Variants in BIRC6 observed in about 807,000 individuals in gnomAD.
BIRC6 encodes dual E2 ubiquitin-conjugating enzyme/E3 ubiquitin-protein ligase BIRC6.
BIRC6 carries 98 observed loss-of-function variants against 503.3 expected under a neutral mutation model. The ratio of observed to expected loss-of-function variants is 0.19; its 90% CI spans 0.17 to 0.23. BIRC6 has a LOEUF of 0.23. Ranked by LOEUF, BIRC6 falls within the 10% of genes least tolerant of loss-of-function variation. BIRC6 has a pLI of 1.00. For synonymous variants in BIRC6, 2,240 were observed against 2,078.7 expected, an observed-to-expected ratio of 1.08 and a Z score of -2.11; for missense variants, 5,360 against 5,806.0, an observed-to-expected ratio of 0.92 and a Z score of 2.50.
chr2:32,614,901 A>T (rs1043166179), intron 73 of BIRC6, among the ~76,000 whole-genome samples: 3 of 152,206 alleles, frequency 2.0e-5, no homozygotes, highest in Admixed American at 6.5e-5. Context: ...TCCCTGTATT[A>T]GGCTGTTCTT....
At chr2:32,403,326 T>C (rs1228084601) in intron 8 of BIRC6, among the ~76,000 whole-genome samples, 1 of 152,196 alleles carries the variant, frequency 6.6e-6, no homozygotes, top group Non-Finnish European at 1.5e-5. Context: ...AATAATACAT[T>C]AATTGGAAAA....
chr2:32,489,348 C>T (rs1290544743), intron 42 of BIRC6, among the ~76,000 whole-genome samples: 8 of 152,008 alleles, frequency 5.3e-5, no homozygotes, highest in Non-Finnish European at 8.8e-5. Flanking sequence ...CACTGAGTCA[C>T]GCACAGATTC....
intron 10 of BIRC6, among the ~76,000 whole-genome samples, chr2:32,426,926 C>A (rs777611389): frequency 1.3e-5 from 2 of 152,136 alleles, no homozygotes; most frequent in African/African-American, 2.4e-5. Flanking sequence ...TTGACAGTTT[C>A]TTTCTGTACT....
chr2:32,531,161 A>G (rs774422524), intron 60 of BIRC6, among the ~76,000 whole-genome samples, 194 bp from the exon 61 acceptor site: 3 of 152,206 alleles, frequency 2.0e-5, no homozygotes, highest in Non-Finnish European at 2.9e-5. Context: ...TAACAAGACT[A>G]AAGAAGGCAG....
intron 10 of BIRC6, among the ~76,000 whole-genome samples, chr2:32,427,200 T>G (rs2043603072): frequency 6.6e-6 from 1 of 152,180 alleles, no homozygotes; most frequent in Non-Finnish European, 1.5e-5. Flanking sequence ...TGGAATTCTC[T>G]TCTTCATGGA....
At chr2:32,391,183 T>G (rs898653222) in intron 4 of BIRC6, among the ~76,000 whole-genome samples, 3 of 152,200 alleles carry the variant, frequency 2.0e-5, no homozygotes, top group Admixed American at 6.5e-5. Flanking sequence ...AAATGTTATA[T>G]TTTAGGAAAT....
In BIRC6 at chr2:32,464,575, G is replaced by C. The variant is rs2048326338; in HGVS notation, c.5008G>C (p.Gly1670Arg). Residue 1670 changes from glycine (G) to arginine (R), a missense_variant, in exon 25 of 74, where the codon GGT (glycine) becomes CGT (arginine). Physicochemically the swap from Gly to Arg is moderately radical, Grantham distance 125. Transcript: ENST00000421745. ...AAAAAAASAV[G>R]PVHNSVPSNP... ...AGCAGCTGCAGCAGCATCAGCAGTA[G>C]GTCCTGTTCACAACTCTGTGCCTTC... 6.2e-7 allele frequency: 1 copy of C among 1,610,842 alleles called. No homozygotes were observed. Among genetic ancestry groups the C allele is most frequent in the Non-Finnish European group, 8.5e-7 (1 of 1,178,162 alleles).
At chr2:32,566,105 A>T (rs1343476196) in intron 65 of BIRC6, 1 of 152,152 alleles carries the variant, frequency 6.6e-6, no homozygotes, top group Non-Finnish European at 1.5e-5. Context: ...GGTTATGTTT[A>T]CCATATAACC....
At chr2:32,497,780 A>G (rs960483375) in intron 45 of BIRC6, among the ~76,000 whole-genome samples, 4 of 151,940 alleles carry the variant, frequency 2.6e-5, no homozygotes, top group Admixed American at 2.6e-4. Flanking sequence ...CTTCTTTTCT[A>G]CTTTCTTTGA....
At chr2:32,400,053 C>A (rs976764704) in intron 6 of BIRC6, among the ~76,000 whole-genome samples, 1 of 152,050 alleles carries the variant, frequency 6.6e-6, no homozygotes, top group South Asian at 2.1e-4. Context: ...CTTGGCCCCC[C>A]GAAGTGCTGG....
intron 71 of BIRC6, among the ~76,000 whole-genome samples, chr2:32,605,543 G>A (rs1223086727): frequency 6.6e-6 from 1 of 152,124 alleles, no homozygotes. Context: ...CTATGCCTTT[G>A]AAACTTACCT....
rs576947279 is a variant in BIRC6, at chr2:32,359,216, A to G, written c.325+1730A>G. Among the ~76,000 whole-genome samples the G allele has an allele frequency of 2.0e-5, 3 of 152,194 alleles. No homozygotes were observed. The South Asian group carries it at 6.2e-4, about 32-fold the overall frequency. ...ATCTTGAGGATGTAGTATTTTTGTG[A>G]TTTTTAACTTGGAATAAGTGGTATA... On this transcript the variant is annotated intron_variant, in intron 1 of 73. Coordinates refer to ENST00000421745, the MANE Select transcript of BIRC6 (RefSeq NM_016252.4).
chr2:32,507,676 G>A (rs1420157546), intron 50 of BIRC6, among the ~76,000 whole-genome samples: 2 of 152,126 alleles, frequency 1.3e-5, no homozygotes, highest in Non-Finnish European at 2.9e-5. Flanking sequence ...TATTTGGCTG[G>A]TTTTATTCAT....
intron 4 of BIRC6, among the ~76,000 whole-genome samples, chr2:32,391,260 A>G (rs2039193395): frequency 6.6e-6 from 1 of 152,232 alleles, no homozygotes; most frequent in African/African-American, 2.4e-5. Context: ...ATTAATTTTG[A>G]TACAGACTGT....
In BIRC6 at chr2:32,410,678, T is replaced by C. The variant is rs559802878; in HGVS notation, c.1478-4091T>C. Among the ~76,000 whole-genome samples the C allele has an allele frequency of 3.9e-5, 6 of 152,172 alleles. No individual in the cohort carries two copies. The East Asian group carries it at 1.2e-3, about 29-fold the overall frequency. Reference sequence around the variant, plus strand: ...TAAGTGGTTCTTCATGAATCTCAGTTGCTTATTGCTCTACTTGGGCAACTT... The same window carrying C: ...TAAGTGGTTCTTCATGAATCTCAGTCGCTTATTGCTCTACTTGGGCAACTT... On this transcript the variant is annotated intron_variant, in intron 9 of 73. Coordinates refer to ENST00000421745, the MANE Select transcript of BIRC6 (RefSeq NM_016252.4).
intron 62 of BIRC6, among the ~76,000 whole-genome samples, chr2:32,544,190 T>C (rs893967840): frequency 6.6e-5 from 10 of 152,184 alleles, no homozygotes; most frequent in African/African-American, 9.6e-5. Context: ...CTAAAAACTT[T>C]AGATTTTATT....
At position 32,414,777 on chromosome 2, in the gene BIRC6, T is replaced by A; in HGVS notation, c.1486T>A (p.Ser496Thr). The A allele has an allele frequency of 6.2e-7, 1 of 1,612,238 alleles. No homozygotes were observed. Among genetic ancestry groups the A allele is most frequent in the Non-Finnish European group, 8.5e-7 (1 of 1,178,622 alleles). Residue 496 changes from serine to threonine, a missense_variant, in exon 10 of 74, where the codon TCA becomes ACA. Ser to Thr is a moderately conservative substitution (Grantham distance 58). Around this residue, in one of 16 missense-constraint regions of BIRC6, gnomAD observed 700 missense variants for 739.3 expected, o/e 0.95. Coordinates refer to ENST00000421745, the MANE Select transcript of BIRC6 (RefSeq NM_016252.4). Reference protein sequence around the residue: ...SRSDSVTGHTSQKEAMEVSLD... With the variant: ...SRSDSVTGHTTQKEAMEVSLD... ...ATTGTTCCTTTTTAAAGGGCATACATCACAGAAGGAAGCCATGGAAGTAAG... is the reference window on the plus strand; with the variant it reads ...ATTGTTCCTTTTTAAAGGGCATACAACACAGAAGGAAGCCATGGAAGTAAG...
At chr2:32,463,727 A>C (rs2048241196) in intron 24 of BIRC6, among the ~76,000 whole-genome samples, 1 of 152,236 alleles carries the variant, frequency 6.6e-6, no homozygotes, top group Non-Finnish European at 1.5e-5. Flanking sequence ...AGTTAAATTT[A>C]ATGTGACTTA....
chr2:32,449,723 G>T (rs1293468896), intron 22 of BIRC6, among the ~76,000 whole-genome samples: 1 of 152,200 alleles, frequency 6.6e-6, no homozygotes. Flanking sequence ...TAAATGAAAT[G>T]TAAAATGCCT....
Sources: gnomAD v4.1 joint callset for allele counts (sites outside exome capture counted in the v4.1 genomes callset) on GRCh38, gnomAD v4.1.1 for gene constraint, gnomAD v4.1.1 regional missense constraint, MANE v1.5 for transcripts, NCBI Gene and HGNC (gene_info 2026-07-23, HGNC 2026-07-21) for gene names.